Variants in HERC1 observed in about 807,000 individuals in gnomAD.
The protein encoded by HERC1 is probable E3 ubiquitin-protein ligase HERC1.
A neutral mutation model predicts 554.3 loss-of-function variants in HERC1; 160 were observed. The ratio of observed to expected loss-of-function variants is 0.29; its 90% CI spans 0.25 to 0.33. The LOEUF is 0.33. Among genes scored for constraint, HERC1 ranks in the 10% least tolerant of loss-of-function variants. HERC1 has a pLI of 1.00. For missense variants in HERC1, 4,919 were observed against 5,918.5 expected, an observed-to-expected ratio of 0.83 and a Z score of 5.54; for synonymous variants, 2,175 against 2,131.7, an observed-to-expected ratio of 1.02 and a Z score of -0.56.
At chr15:63,747,665 C>G (rs1287568751) in intron 11 of HERC1, 59 bp downstream of exon 11, 1 of 1,008,114 alleles carries the variant, frequency 9.9e-7, no homozygotes, top group Non-Finnish European at 1.5e-6. Flanking sequence ...AATTTATACA[C>G]ATGCACACAC....
intron 68 of HERC1, among the ~76,000 whole-genome samples, chr15:63,632,024 A>G (rs1311082883): frequency 1.3e-5 from 2 of 152,192 alleles, no homozygotes; most frequent in African/African-American, 4.8e-5. Flanking sequence ...ATCCTTCTGG[A>G]GTTCCAGATC....
At position 63,718,941 on chromosome 15, in the gene HERC1, A is replaced by C; in HGVS notation, c.3743-44T>G. 7.4e-7 allele frequency: 1 copy of C among 1,355,180 alleles called. No homozygotes were observed. Among genetic ancestry groups the C allele is most frequent in the Non-Finnish European group, 1.0e-6 (1 of 961,414 alleles). The allele number at this position is 1,355,180 out of a possible 1,614,324, so 83.9% of individuals were successfully genotyped here. On this transcript the variant is annotated intron_variant, in intron 19 of 77. Transcript: ENST00000443617. The surrounding 1 kb of genome is among the most constrained non-coding windows in gnomAD (Gnocchi z 4.2). ...CATTGACATTTAAAAGGGCTCAGAA[A>C]ACAGTTCAGAGGTAATTTTTATAGC... is the stretch of plus-strand genomic sequence containing the variant.
At position 63,634,901 on chromosome 15, in the gene HERC1, C is replaced by G; in HGVS notation, c.12415-13G>C. 1 of 1,563,126 alleles carries G rather than the reference C, an allele frequency of 6.4e-7. No homozygotes were observed. The highest frequency in any genetic ancestry group is 8.6e-7 in the Non-Finnish European group (1 of 1,158,360). ...AGCCACAAGACATCTAAGACAGAAC[C>G]AAGGAGAAAGAAAATTTTTAAGAAG... On this transcript the variant is annotated splice_polypyrimidine_tract_variant and intron_variant, in intron 65 of 77. Transcript: ENST00000443617.
rs2078245011 is a variant in HERC1, at chr15:63,833,747, G to GCGCACACACACACACA, written c.-27+79_-27+80insTGTGTGTGTGTGTGCG. On this transcript the variant is annotated intron_variant, in intron 1 of 77. Coordinates refer to ENST00000443617, the MANE Select transcript of HERC1 (RefSeq NM_003922.4). ...TGCGCGGCCGGCAAAGCACACACGC[G>GCGCACACACACACACA]CGCGCGCACACACACACACACACAC... 22 of 117,804 alleles carry GCGCACACACACACACA rather than the reference G, an allele frequency of 1.9e-4. 1 individual carries two copies. Among genetic ancestry groups the GCGCACACACACACACA allele is most frequent in the Admixed American group, 1.3e-3 (17 of 12,976 alleles). The allele number at this position is 117,804 out of a possible 1,614,324, so 7.3% of individuals were successfully genotyped here.
chr15:63,729,510 T>C lies in HERC1; in HGVS notation c.3008A>G (p.Asn1003Ser), dbSNP rs772736105. The C allele has an allele frequency of 1.7e-5, 28 of 1,613,570 alleles. No individual in the cohort carries two copies. The highest frequency in any genetic ancestry group is 1.4e-4 in the South Asian group (13 of 91,082). The stretch of plus-strand genomic sequence containing the variant: ...ATAATCGCATACCTCACTAATGTTA[T>C]TGATATGGCAAAATGCCAGCAGCTG... ...QKQLLAFCHI[N>S]NISENSSSVA... is the part of the protein sequence containing the mutation. The change falls in exon 15 of 78, where the codon AAT becomes AGT. Residue 1003 changes from asparagine (N) to serine (S), a missense_variant. Asn to Ser is a conservative substitution (Grantham distance 46). Around this residue, in one of 11 missense-constraint regions of HERC1, gnomAD observed 1,121 missense variants for 1,244.0 expected, o/e 0.90. Coordinates refer to ENST00000443617, the MANE Select transcript of HERC1 (RefSeq NM_003922.4).
At chr15:63,803,547 T>C (rs549743828) in intron 1 of HERC1, among the ~76,000 whole-genome samples, 22 of 152,266 alleles carry the variant, frequency 1.4e-4, no homozygotes, top group South Asian at 4.2e-4. Context: ...CTCTGCCTCC[T>C]AAAGTGCTAG....
At chr15:63,626,657 T>C (rs548275401) in intron 70 of HERC1, among the ~76,000 whole-genome samples, 1 of 152,338 alleles carries the variant, frequency 6.6e-6, no homozygotes, top group Admixed American at 6.5e-5. Context: ...ATGAGGCTTT[T>C]ACTACAAGAA....
In HERC1 at chr15:63,656,139, C is replaced by G; in HGVS notation, c.9819G>C (p.Leu3273=). 6.2e-7 allele frequency: 1 copy of G among 1,612,660 alleles called. No individual in the cohort carries two copies. The highest frequency in any genetic ancestry group is 8.5e-7 in the Non-Finnish European group (1 of 1,179,282). Residue 3273 remains leucine, a synonymous_variant, in exon 49 of 78, where the codon CTG becomes CTC. Transcript: ENST00000443617. The part of the protein sequence containing the change: ...LAYLSTAVGC[L]ASNAPSAAKL... The stretch of plus-strand genomic sequence containing the variant: ...TGGCAGCACTAGGAGCATTTGATGC[C>G]AGACATCCCACTGCTGTGCTCAAAT...
Position 63,686,819 on chromosome 15 carries a change from T to C in HERC1, c.6049-284A>G, listed in dbSNP as rs118030403. On this transcript the variant is annotated intron_variant, in intron 33 of 77. Transcript: ENST00000443617. ...TATAGTAGAAACATAAAAGTGTGTC[T>C]AACCATGCTTGAGAAGGACAAGGTA... Among the ~76,000 whole-genome samples, 14 of 152,314 alleles carry C rather than the reference T, an allele frequency of 9.2e-5. No individual in the cohort carries two copies. In the East Asian group the frequency reaches 2.7e-3, roughly 29 times the overall value.
chr15:63,747,114 G>T (rs539645760), intron 11 of HERC1, 31 bp from the exon 12 acceptor site: 5 of 1,573,074 alleles, frequency 3.2e-6, no homozygotes, highest in Non-Finnish European at 4.3e-6. Context: ...ATGAATTCTC[G>T]GATCATAAAA....
chr15:63,613,815 C>A (rs1367318664), intron 76 of HERC1, among the ~76,000 whole-genome samples: 1 of 151,984 alleles, frequency 6.6e-6, no homozygotes. Context: ...CAGAGCAAGA[C>A]CCTCTCTTAA....
At chr15:63,637,432 G>A in intron 64 of HERC1, 73 bp downstream of exon 64, 9 of 1,301,080 alleles carry the variant, frequency 6.9e-6, no homozygotes, top group Non-Finnish European at 9.6e-6. Flanking sequence ...GTTTGAGAAG[G>A]GCAAAGGTTT....
At chr15:63,768,330 C>T (rs560649163) in intron 2 of HERC1, among the ~76,000 whole-genome samples, 10 of 152,338 alleles carry the variant, frequency 6.6e-5, no homozygotes, top group African/African-American at 2.2e-4. Context: ...TAAGATTCTG[C>T]ATTTCTAACA....
chr15:63,831,646 T>C (rs2078159139), intron 1 of HERC1, among the ~76,000 whole-genome samples: 1 of 152,246 alleles, frequency 6.6e-6, no homozygotes, highest in East Asian at 1.9e-4. Flanking sequence ...CCAGCCCCCT[T>C]TTTTTTCTAT....
chr15:63,731,076 T>A (rs1027706496), intron 14 of HERC1, among the ~76,000 whole-genome samples: 4 of 152,198 alleles, frequency 2.6e-5, no homozygotes, highest in South Asian at 4.1e-4. Context: ...ATCATAAATG[T>A]TTTACACATT....
intron 53 of HERC1, 122 bp from the exon 54 acceptor site, chr15:63,650,047 A>G (rs115845090): frequency 6.1e-6 from 4 of 654,752 alleles, no homozygotes; most frequent in African/African-American, 3.7e-5. Flanking sequence ...ATAATAGCCT[A>G]CTAATGAATA....
chr15:63,749,595 AT>A lies in HERC1; in HGVS notation c.2047+51del. Reference sequence around the variant, plus strand: ...GAAAAGCCAAATTCAAATGTAATATATTTACACAAGACAACAGTTAATACTA... The same window carrying A: ...GAAAAGCCAAATTCAAATGTAATATATTACACAAGACAACAGTTAATACTA... On this transcript the variant is annotated intron_variant, in intron 9 of 77. Coordinates refer to ENST00000443617, the MANE Select transcript of HERC1 (RefSeq NM_003922.4). This position sits in a 1 kb window ranked among gnomAD's most constrained non-coding sequence, Gnocchi z 4.1. 7 of 1,579,756 alleles carry A rather than the reference AT, an allele frequency of 4.4e-6. No individual in the cohort carries two copies. Among genetic ancestry groups the A allele is most frequent in the Non-Finnish European group, 6.0e-6 (7 of 1,163,418 alleles).
chr15:63,619,231 T>G (rs563244268), intron 74 of HERC1, among the ~76,000 whole-genome samples: 1 of 152,350 alleles, frequency 6.6e-6, no homozygotes, highest in African/African-American at 2.4e-5. Context: ...GTCAAAGGCC[T>G]TTTCTGCACC....
intron 1 of HERC1, among the ~76,000 whole-genome samples, chr15:63,829,470 G>GTT (rs1240723554): frequency 1.9e-4 from 11 of 58,218 alleles, no homozygotes; most frequent in Admixed American, 4.9e-4. Flanking sequence ...GCACATATAT[G>GTT]TTTATATAAA....
Sources: allele counts gnomAD v4.1 joint callset (sites outside exome capture counted in the v4.1 genomes callset), GRCh38; gene constraint gnomAD v4.1.1; regional missense constraint gnomAD v4.1.1; non-coding constraint Gnocchi (gnomAD v3.1); transcripts MANE v1.5; gene names NCBI Gene and HGNC (gene_info 2026-07-23, HGNC 2026-07-21).